AFF1: variants seen among roughly 807,000 people sequenced by gnomAD.
The protein encoded by AFF1 is ALF transcription elongation factor 1, also known as AF4/FMR2 family member 1.
Under a neutral mutation model 121.7 loss-of-function variants are expected in AFF1, and 48 were observed. That is an observed-to-expected ratio of 0.39 (90% CI 0.31 to 0.50). AFF1 has a LOEUF of 0.50. Among genes scored for constraint, AFF1 ranks in the 20% least tolerant of loss-of-function variants. The pLI is 0.76. For synonymous variants in AFF1, 613 were observed against 563.0 expected (o/e 1.09, Z -1.26); for missense variants, 1,523 against 1,511.7 (o/e 1.01, Z -0.12).
At chr4:86,982,988 C>T (rs1484130658) in intron 2 of AFF1, among the ~76,000 whole-genome samples, 1 of 151,976 alleles carries the variant, frequency 6.6e-6, no homozygotes. Context: ...TGCTCTTGGA[C>T]TTCCCAGCTC....
intron 2 of AFF1, among the ~76,000 whole-genome samples, chr4:87,045,149 C>T (rs1730543524): frequency 1.3e-5 from 2 of 152,134 alleles, no homozygotes; most frequent in South Asian, 4.2e-4. Flanking sequence ...TGGGGAAGGG[C>T]GTCTGACATC....
Position 87,139,953 on chromosome 4 carries a change from A to C in AFF1, c.*4252A>C, listed in dbSNP as rs565870863. 126 of 213,650 alleles carry C rather than the reference A, an allele frequency of 5.9e-4. No homozygotes were observed. The highest frequency in any genetic ancestry group is 9.5e-4 in the Non-Finnish European group (101 of 105,932). 13.2% of individuals were successfully genotyped at this position (213,650 alleles called of 1,614,324 possible). ...TACTGCTTTTCTTTAGGTGGCTATA[A>C]ATTTCTTACTGTCAGGAGGAAATGA... On this transcript the variant is annotated 3_prime_UTR_variant, in exon 21 of 21. Coordinates refer to ENST00000395146, the MANE Select transcript of AFF1 (RefSeq NM_001166693.3).
rs1729363823 is a variant in AFF1, at chr4:87,137,129, AGT to A, written c.*1430_*1431del. 2 of 226,900 alleles carry A rather than the reference AGT, an allele frequency of 8.8e-6. No individual in the cohort carries two copies. 14.1% of individuals were successfully genotyped at this position (226,900 alleles called of 1,614,324 possible). On this transcript the variant is annotated 3_prime_UTR_variant, in exon 21 of 21. Coordinates refer to ENST00000395146, the MANE Select transcript of AFF1 (RefSeq NM_001166693.3). Reference sequence around the variant, plus strand: ...GGTTATTATTGGAAACATTACTTTGAGTGCAGTGTTTTTAAAAGCCAATTCTT... The same window carrying A: ...GGTTATTATTGGAAACATTACTTTGAGCAGTGTTTTTAAAAGCCAATTCTT...
chr4:86,946,262 T>A (rs1720850660), intron 1 of AFF1, among the ~76,000 whole-genome samples: 1 of 152,190 alleles, frequency 6.6e-6, no homozygotes, highest in Admixed American at 6.5e-5. Context: ...TGCACTCCCA[T>A]TTTGCTTTTC....
In AFF1 at chr4:87,047,283, G is replaced by A; in HGVS notation, c.748G>A (p.Ala250Thr). 6.2e-7 allele frequency: 1 copy of A among 1,614,148 alleles called. No individual in the cohort carries two copies. Among genetic ancestry groups the A allele is most frequent in the East Asian group, 2.2e-5 (1 of 44,882 alleles). Residue 250 changes from alanine to threonine, a missense_variant, in exon 4 of 21, where the codon GCC becomes ACC. Physicochemically the swap from Ala to Thr is moderately conservative, Grantham distance 58 (BLOSUM62 0). Around this residue, in one of 5 missense-constraint regions of AFF1, gnomAD observed 369 missense variants for 367.2 expected, o/e 1.00. Transcript: ENST00000395146. ...SSNNSKGYCPAKSPKDLAVKV... is the reference protein window; with the variant it reads ...SSNNSKGYCPTKSPKDLAVKV... ...CAATAACAGTAAAGGCTATTGCCCAGCCAAATCTCCCAAGGACCTAGCAGT... is the reference window on the plus strand; with the variant it reads ...CAATAACAGTAAAGGCTATTGCCCAACCAAATCTCCCAAGGACCTAGCAGT...
chr4:87,105,251 T>C (rs1402383498), intron 8 of AFF1, among the ~76,000 whole-genome samples: 1 of 152,208 alleles, frequency 6.6e-6, no homozygotes, highest in Non-Finnish European at 1.5e-5. Flanking sequence ...CCCTCCCCAT[T>C]TGTTTTGTTT....
chr4:87,039,811 G>A (rs540237458), intron 2 of AFF1, among the ~76,000 whole-genome samples: 1 of 152,276 alleles, frequency 6.6e-6, no homozygotes, highest in Non-Finnish European at 1.5e-5. Context: ...TAGAACTCAT[G>A]GTGTCTGTGG....
In AFF1 at chr4:87,139,740, C is replaced by T. The variant is rs563407408; in HGVS notation, c.*4039C>T. On this transcript the variant is annotated 3_prime_UTR_variant, in exon 21 of 21. Transcript: ENST00000395146. ...GTCATTCTATTGGAAGGAGGTGTAA[C>T]GGCAGAATAGCATCGTGTTGGGGGT... is the stretch of plus-strand genomic sequence containing the variant. 628 of 226,904 alleles carry T rather than the reference C, an allele frequency of 2.8e-3. 5 individuals carry two copies. The highest frequency in any genetic ancestry group is 3.8e-3 in the Non-Finnish European group (440 of 114,292). 14.1% of individuals were successfully genotyped at this position (226,904 alleles called of 1,614,324 possible).
At position 87,127,170 on chromosome 4, in the gene AFF1, C is replaced by CG. The variant is rs1560657539; in HGVS notation, c.2903+53_2903+54insG. 42 of 1,293,424 alleles carry CG rather than the reference C, an allele frequency of 3.2e-5. 3 individuals carry two copies. In the East Asian group the frequency reaches 5.3e-4, roughly 16 times the overall value. 80.1% of individuals were successfully genotyped at this position (1,293,424 alleles called of 1,614,324 possible). On this transcript the variant is annotated intron_variant, in intron 15 of 20. Transcript: ENST00000395146. Reference sequence around the variant, plus strand: ...TCTGTTTTGTTTTGTTTTGCTTCCCCCCCCCACCAAGATAGAGTCTCACTC... The same window carrying CG: ...TCTGTTTTGTTTTGTTTTGCTTCCCCGCCCCCACCAAGATAGAGTCTCACTC...
chr4:87,117,287 G>A (rs1269640411), intron 12 of AFF1, among the ~76,000 whole-genome samples: 1 of 152,318 alleles, frequency 6.6e-6, no homozygotes, highest in South Asian at 2.1e-4. Flanking sequence ...TCTGTTTAGA[G>A]CATGCAGAAA....
At chr4:87,105,909 T>C (rs1725868840) in intron 10 of AFF1, 64 bp downstream of exon 10, 1 of 1,574,884 alleles carries the variant, frequency 6.3e-7, no homozygotes, top group Admixed American at 1.7e-5. Context: ...ATGGGAAAAA[T>C]AAAGCCTTAT....
At chr4:87,077,836 CATTT>C (rs1450965178) in intron 4 of AFF1, among the ~76,000 whole-genome samples, 1 of 152,068 alleles carries the variant, frequency 6.6e-6, no homozygotes, top group Non-Finnish European at 1.5e-5. Flanking sequence ...AGTTGCGTAG[CATTT>C]ATTTCTTTCT....
Position 87,115,111 on chromosome 4 carries a change from A to G in AFF1, c.2278A>G (p.Arg760Gly), listed in dbSNP as rs1726964365. ...LRDTKLLSPL[R>G]DTPPPQSLMV... Reference sequence around the variant, plus strand: ...AGACACCAAGCTGCTCTCACCGCTCAGGGACACTCCTCCCCCACAAAGCTT... The same window carrying G: ...AGACACCAAGCTGCTCTCACCGCTCGGGGACACTCCTCCCCCACAAAGCTT... The change falls in exon 12 of 21, where the codon AGG (arginine) becomes GGG (glycine). Residue 760 changes from arginine (R) to glycine (G), a missense_variant. Arg to Gly is a moderately radical substitution (Grantham distance 125). Around this residue, in one of 5 missense-constraint regions of AFF1, gnomAD observed 905 missense variants for 842.5 expected, o/e 1.07. Coordinates refer to ENST00000395146, the MANE Select transcript of AFF1 (RefSeq NM_001166693.3). 6.2e-7 allele frequency: 1 copy of G among 1,614,126 alleles called. No homozygotes were observed. The highest frequency in any genetic ancestry group is 1.3e-5 in the African/African-American group (1 of 75,036).
At chr4:86,997,807 A>G (rs1156515557) in intron 2 of AFF1, among the ~76,000 whole-genome samples, 1 of 145,306 alleles carries the variant, frequency 6.9e-6, no homozygotes, top group Non-Finnish European at 1.5e-5. Context: ...AGAAAAAAAC[A>G]GGCCTAAGAA....
At chr4:87,080,437 A>G (rs910229694) in intron 4 of AFF1, among the ~76,000 whole-genome samples, 1 of 152,180 alleles carries the variant, frequency 6.6e-6, no homozygotes, top group Non-Finnish European at 1.5e-5. Context: ...GCCAGGACCA[A>G]TTGTTTATTC....
rs779163205 is a variant in AFF1 at position 87,089,957 on chromosome 4, TTCTTCCCTTTCCAA to T, written c.1105-26_1105-13del. On this transcript the variant is annotated splice_polypyrimidine_tract_variant and intron_variant, in intron 5 of 20. Transcript: ENST00000395146. ...GAATGTTCTATTTATAATTTACTTT[TTCTTCCCTTTCCAA>T]ATATCTTTCCAGGAAATGACCCATT... 2 of 1,573,708 alleles carry T rather than the reference TTCTTCCCTTTCCAA, an allele frequency of 1.3e-6. No individual in the cohort carries two copies. The highest frequency in any genetic ancestry group is 1.7e-6 in the Non-Finnish European group (2 of 1,144,966).
intron 2 of AFF1, 66 bp from the exon 3 acceptor site, chr4:87,046,100 A>G (rs1166916591): frequency 1.7e-5 from 27 of 1,589,632 alleles, no homozygotes; most frequent in African/African-American, 5.4e-5. Context: ...ACATGTAAGT[A>G]TGCCTGACAA....
intron 2 of AFF1, among the ~76,000 whole-genome samples, chr4:87,016,254 G>T (rs1306716253): frequency 6.6e-6 from 1 of 152,104 alleles, no homozygotes; most frequent in Admixed American, 6.6e-5. Context: ...TTGTCACCCA[G>T]ATCTTTTATA....
At chr4:87,054,460 T>G (rs1578154889) in intron 4 of AFF1, among the ~76,000 whole-genome samples, 1 of 152,238 alleles carries the variant, frequency 6.6e-6, no homozygotes, top group South Asian at 2.1e-4. Context: ...TTTTCATTGT[T>G]CTGCCCCCAA....
Sources: allele counts gnomAD v4.1 joint callset (sites outside exome capture counted in the v4.1 genomes callset), GRCh38; gene constraint gnomAD v4.1.1; regional missense constraint gnomAD v4.1.1; transcripts MANE v1.5; gene names NCBI Gene and HGNC (gene_info 2026-07-23, HGNC 2026-07-21).